PTPRN2: variants seen among roughly 807,000 people sequenced by gnomAD.
PTPRN2 encodes receptor-type tyrosine-protein phosphatase N2.
Under a neutral mutation model 118.8 loss-of-function variants are expected in PTPRN2, and 74 were observed. The ratio of observed to expected loss-of-function variants is 0.62; its 90% CI spans 0.52 to 0.76. The LOEUF is 0.76. PTPRN2 is among the 30% of genes least tolerant of loss of function. PTPRN2 has a pLI of 0.00. For missense variants in PTPRN2, 1,481 were observed against 1,394.4 expected (o/e 1.06, Z -0.99); for synonymous variants, 641 against 608.0 (o/e 1.05, Z -0.80).
At chr7:158,391,947 G>A (rs114239984) in intron 2 of PTPRN2, among the ~76,000 whole-genome samples, 199 of 152,338 alleles carry the variant, frequency 1.3e-3, no homozygotes, top group African/African-American at 4.6e-3. Flanking sequence ...CAGGGAGCCC[G>A]CCTGTGAGTC....
chr7:158,462,506 C>T (rs1819079580), intron 2 of PTPRN2, among the ~76,000 whole-genome samples: 1 of 152,174 alleles, frequency 6.6e-6, no homozygotes, highest in Admixed American at 6.5e-5. Context: ...TTAAGGGGTG[C>T]CTGGTCCTGT....
At chr7:157,777,508 A>G (rs769244041) in intron 12 of PTPRN2, among the ~76,000 whole-genome samples, 4 of 152,080 alleles carry the variant, frequency 2.6e-5, no homozygotes, top group Non-Finnish European at 4.4e-5. Context: ...GAGGACACGC[A>G]GTGCCCCACA....
intron 3 of PTPRN2, among the ~76,000 whole-genome samples, chr7:158,230,149 C>G (rs1443110817): frequency 6.6e-6 from 1 of 152,150 alleles, no homozygotes; most frequent in African/African-American, 2.4e-5. Context: ...AATACTATAT[C>G]CAGCAAAGCA....
chr7:158,424,472 C>T (rs1207986730), intron 2 of PTPRN2, among the ~76,000 whole-genome samples: 1 of 152,158 alleles, frequency 6.6e-6, no homozygotes, highest in Non-Finnish European at 1.5e-5. Context: ...ACGTCTGTGA[C>T]CACCGGAGAT....
chr7:158,247,428 G>C (rs1437718115), intron 3 of PTPRN2, among the ~76,000 whole-genome samples: 1 of 7,132 alleles, frequency 1.4e-4, no homozygotes, highest in African/African-American at 1.2e-3. Context: ...GGAGTGGCCA[G>C]GGGTGCCCGT....
chr7:157,579,563 C>T (rs761775289), intron 17 of PTPRN2, among the ~76,000 whole-genome samples: 2 of 152,176 alleles, frequency 1.3e-5, no homozygotes, highest in African/African-American at 2.4e-5. Context: ...ACTAATCATC[C>T]GGCACTCGGC....
In PTPRN2 at chr7:158,134,008, G is replaced by A. The variant is rs752320947; in HGVS notation, c.1225C>T (p.Arg409Ter). 2.5e-6 allele frequency: 4 copies of A among 1,613,864 alleles called. No homozygotes were observed. Among genetic ancestry groups the A allele is most frequent in the Admixed American group, 1.7e-5 (1 of 60,008 alleles). ...AAGGGGAGGGCTCCAGGTAAGAGTC[G>A]AGACCCGTGGTCCTGCAGGAGGCCC... ...LGGLLQDHGS[R>*]LLPGALPFAR... Residue 409 changes from arginine (R) to a stop codon, truncating the protein, a stop_gained, in exon 9 of 23, where the codon CGA becomes TGA. Coordinates refer to ENST00000389418, the MANE Select transcript of PTPRN2 (RefSeq NM_002847.5). LOFTEE classifies it high-confidence loss of function.
intron 5 of PTPRN2, among the ~76,000 whole-genome samples, chr7:158,191,524 T>C (rs1458858025): frequency 2.0e-5 from 3 of 152,280 alleles, no homozygotes; most frequent in Middle Eastern, 3.4e-3. Flanking sequence ...CTGCAGCTCT[T>C]GTCCCTCCCT....
intron 2 of PTPRN2, among the ~76,000 whole-genome samples, chr7:158,325,396 T>C (rs1263261146): frequency 6.6e-6 from 1 of 152,176 alleles, no homozygotes; most frequent in Non-Finnish European, 1.5e-5. Context: ...TATTTATTTA[T>C]GGAAATATAA....
intron 15 of PTPRN2, among the ~76,000 whole-genome samples, chr7:157,614,815 G>A (rs1378806121): frequency 6.6e-6 from 1 of 152,226 alleles, no homozygotes; most frequent in Non-Finnish European, 1.5e-5. Context: ...GCCCCAGGGA[G>A]GGCCTCGGAC....
At chr7:157,666,830 A>G (rs1366425003) in intron 13 of PTPRN2, among the ~76,000 whole-genome samples, 7 of 152,078 alleles carry the variant, frequency 4.6e-5, no homozygotes, top group Non-Finnish European at 8.8e-5. Flanking sequence ...GGGTGCAACA[A>G]GTACACAGCC....
intron 12 of PTPRN2, among the ~76,000 whole-genome samples, chr7:157,691,138 G>A (rs1422240032): frequency 8.5e-6 from 1 of 117,406 alleles, no homozygotes; most frequent in East Asian, 2.8e-4. Context: ...ACCCTCTCCC[G>A]CCCGAGACTA....
intron 7 of PTPRN2, 94 bp downstream of exon 7, chr7:158,138,200 A>G (rs536159014): frequency 1.7e-5 from 19 of 1,114,114 alleles, no homozygotes; most frequent in Middle Eastern, 2.9e-4. Context: ...GAAAGCCCAC[A>G]TTGCACTTGG....
chr7:157,942,187 C>T (rs576021414), intron 11 of PTPRN2, among the ~76,000 whole-genome samples: 1,151 of 36,936 alleles, frequency 0.031, 25 homozygotes, highest in African/African-American at 0.03. Context: ...TCGGCCCACC[C>T]TCCACACACA....
intron 3 of PTPRN2, among the ~76,000 whole-genome samples, chr7:158,217,351 A>C (rs1828025500): frequency 6.6e-6 from 1 of 152,166 alleles, no homozygotes; most frequent in South Asian, 2.1e-4. Flanking sequence ...TCCAAGCTGA[A>C]CCTCGGCCCT....
At chr7:157,855,423 C>T (rs768570691) in intron 12 of PTPRN2, among the ~76,000 whole-genome samples, 5 of 152,220 alleles carry the variant, frequency 3.3e-5, no homozygotes, top group Non-Finnish European at 7.3e-5. Flanking sequence ...CCATGGAGCA[C>T]GAAACCTCTG....
intron 2 of PTPRN2, among the ~76,000 whole-genome samples, chr7:158,435,979 C>T (rs375369514): frequency 2.6e-5 from 4 of 152,122 alleles, no homozygotes; most frequent in East Asian, 1.9e-4. Flanking sequence ...GCAGGATGAA[C>T]GAGTGCTAGA....
intron 15 of PTPRN2, among the ~76,000 whole-genome samples, chr7:157,607,337 CCA>C: frequency 6.6e-6 from 1 of 152,340 alleles, no homozygotes; most frequent in Non-Finnish European, 1.5e-5. Context: ...GTGCTGCAGC[CCA>C]CACAGAGCGT....
Position 157,779,785 on chromosome 7 carries a change from G to A in PTPRN2, c.1789-96848C>T, listed in dbSNP as rs916681601. Among the ~76,000 whole-genome samples the A allele has an allele frequency of 2.0e-5, 3 of 152,150 alleles. No individual in the cohort carries two copies. Among genetic ancestry groups the A allele is most frequent in the Non-Finnish European group, 4.4e-5 (3 of 68,016 alleles). On this transcript the variant is annotated intron_variant, in intron 12 of 22. Transcript: ENST00000389418. This position sits in a 1 kb window ranked among gnomAD's most constrained non-coding sequence, Gnocchi z 4.7. ...ATGGCTGGGTCACCCAGGGCACCCC[G>A]AGGTCATCAGCCTGAGGAAGAGTGC...
Sources: allele counts gnomAD v4.1 joint callset (sites outside exome capture counted in the v4.1 genomes callset), GRCh38; gene constraint gnomAD v4.1.1; non-coding constraint Gnocchi (gnomAD v3.1); transcripts MANE v1.5; gene names NCBI Gene and HGNC (gene_info 2026-07-23, HGNC 2026-07-21).